DHX15: variants seen among roughly 807,000 people sequenced by gnomAD.
DHX15 encodes DEAH-box helicase 15, also known as ATP-dependent RNA helicase DHX15.
A neutral mutation model predicts 94.4 loss-of-function variants in DHX15; 11 were observed. The observed-to-expected ratio is 0.12, with a 90% CI of 0.07 to 0.19. The LOEUF (loss-of-function observed/expected upper bound fraction) is 0.19, where lower values mean the gene tolerates loss of function less well. Among genes scored for constraint, DHX15 ranks in the 10% least tolerant of loss-of-function variants. The probability of loss-of-function intolerance (pLI) is 1.00; values close to 1 mark genes in which losing one functional copy is unlikely to be tolerated. For synonymous variants in DHX15, 338 were observed against 329.9 expected, an observed-to-expected ratio of 1.02 and a Z score of -0.27; for missense variants, 304 against 988.5, an observed-to-expected ratio of 0.31 and a Z score of 9.29.
intron 10 of DHX15, chr4:24,539,590 T>C (rs542323258): frequency 6.6e-6 from 1 of 152,278 alleles, no homozygotes; most frequent in African/African-American, 2.4e-5. Flanking sequence ...TCAGATTAGA[T>C]TTTAAGCCTA....
intron 6 of DHX15, among the ~76,000 whole-genome samples, chr4:24,548,578 A>T (rs144758476): frequency 0.016 from 2,444 of 152,356 alleles, 32 homozygotes; most frequent in Admixed American, 0.028. Flanking sequence ...CTTTATAACA[A>T]GTGATTTAAT....
chr4:24,567,438 G>A (rs144985368), intron 3 of DHX15, among the ~76,000 whole-genome samples: 1,970 of 152,144 alleles, frequency 0.013, 27 homozygotes, highest in South Asian at 0.041. Flanking sequence ...TTAGCTGGGC[G>A]TGGTGGCGGG....
chr4:24,569,433 A>G (rs1722068035), intron 3 of DHX15, among the ~76,000 whole-genome samples: 1 of 151,984 alleles, frequency 6.6e-6, no homozygotes, highest in Non-Finnish European at 1.5e-5. Flanking sequence ...TCTACTAAAG[A>G]TACAAAAAGT....
At chr4:24,543,395 T>C (rs1425261134) in intron 6 of DHX15, among the ~76,000 whole-genome samples, 1 of 152,166 alleles carries the variant, frequency 6.6e-6, no homozygotes, top group Non-Finnish European at 1.5e-5. Flanking sequence ...TATTCAAATT[T>C]CCACAAGTGT....
At chr4:24,556,490 A>C in intron 3 of DHX15, 80 bp from the exon 4 acceptor site, 1 of 1,171,292 alleles carries the variant, frequency 8.5e-7, no homozygotes, top group Non-Finnish European at 1.2e-6. Flanking sequence ...ATGAAATGCA[A>C]AGACATAAGG....
intron 3 of DHX15, among the ~76,000 whole-genome samples, chr4:24,566,718 C>T (rs1722002005): frequency 6.6e-6 from 1 of 151,990 alleles, no homozygotes; most frequent in Non-Finnish European, 1.5e-5. Flanking sequence ...CTCAGCTACT[C>T]GGGAGGGTGA....
chr4:24,576,761 G>A, intron 1 of DHX15, 83 bp from the exon 2 acceptor site: 3 of 1,522,974 alleles, frequency 2.0e-6, no homozygotes, highest in South Asian at 1.3e-5. Context: ...GAGAGTAAAT[G>A]TCCAACGTTC....
chr4:24,538,293 T>C (rs1721234659), intron 10 of DHX15: 1 of 152,172 alleles, frequency 6.6e-6, no homozygotes, highest in Non-Finnish European at 1.5e-5. Flanking sequence ...ATCATATTAC[T>C]CTTTCCCATA....
At chr4:24,565,965 G>A (rs1721982757) in intron 3 of DHX15, among the ~76,000 whole-genome samples, 1 of 152,012 alleles carries the variant, frequency 6.6e-6, no homozygotes, top group South Asian at 2.1e-4. Flanking sequence ...CGTGGGCAGA[G>A]CTAGGACAAC....
intron 11 of DHX15, 54 bp from the exon 12 acceptor site, chr4:24,533,108 G>T: frequency 7.0e-7 from 1 of 1,424,072 alleles, no homozygotes; most frequent in Non-Finnish European, 9.9e-7. Context: ...ACCCACACAG[G>T]AATGTTCTCT....
At chr4:24,531,376 C>T (rs888426310) in intron 12 of DHX15, among the ~76,000 whole-genome samples, 4 of 152,104 alleles carry the variant, frequency 2.6e-5, no homozygotes, top group Admixed American at 6.5e-5. Flanking sequence ...GCGTGAGCCA[C>T]AGCGCCCGGC....
rs779461717 is a variant in DHX15, at chr4:24,529,670, A to G, written c.2201T>C (p.Val734Ala). The change falls in exon 13 of 14, where the codon GTG (valine) becomes GCG (alanine). Residue 734 changes from valine (V) to alanine (A), a missense_variant. Physicochemically the swap from Val to Ala is moderately conservative, Grantham distance 64 (BLOSUM62 0). Coordinates refer to ENST00000336812, the MANE Select transcript of DHX15 (RefSeq NM_001358.3). ...STVLDHKPEW[V>A]LYNEFVLTTK... ...TGTTAGAACAAACTCATTATAAAGC[A>G]CCCATTCAGGTTTGTGGTCAAGAAC... 6.2e-7 allele frequency: 1 copy of G among 1,614,156 alleles called. No individual in the cohort carries two copies. The highest frequency in any genetic ancestry group is 8.5e-7 in the Non-Finnish European group (1 of 1,180,020).
chr4:24,530,534 G>C (rs528814709), intron 12 of DHX15: 39 of 152,150 alleles, frequency 2.6e-4, no homozygotes, highest in African/African-American at 9.2e-4. Flanking sequence ...CTGAGATCAA[G>C]TCACTGCACT....
rs543859228 is a variant in DHX15, at chr4:24,566,603, A to T, written c.701+4051T>A. 3.9e-5 allele frequency among the ~76,000 whole-genome samples: 6 copies of T among 152,230 alleles called. No homozygotes were observed. The South Asian group carries it at 1.2e-3, about 32-fold the overall frequency. ...CACTTTGGGAGGCTGAGGTGGGTGG[A>T]TCACTTGACGTCAGGAGTTTGAGAC... On this transcript the variant is annotated intron_variant, in intron 3 of 13. Coordinates refer to ENST00000336812, the MANE Select transcript of DHX15 (RefSeq NM_001358.3).
chr4:24,529,992 T>G, intron 12 of DHX15: 1 of 563,456 alleles, frequency 1.8e-6, no homozygotes. Context: ...CAAAATGGTT[T>G]ATTTATCTTT....
chr4:24,533,563 CAGAAGAAA>C, intron 11 of DHX15: 3 of 157,318 alleles, frequency 1.9e-5, no homozygotes, highest in Admixed American at 6.2e-5. Context: ...AGTCCTGAAA[CAGAAGAAA>C]GTTTACAAGG....
In DHX15 at chr4:24,556,298, G is replaced by A. The variant is rs774825822; in HGVS notation, c.814C>T (p.Leu272=). Residue 272 remains leucine, a synonymous_variant, in exon 4 of 14, where the codon CTA becomes TTA. Transcript: ENST00000336812. ...AHERTLATDI[L]MGVLKEVVRQ... ...ACAACTTCCTTCAGAACACCCATTA[G>A]AATATCTGTAGCCAGTGTCCTCTCA... is the stretch of plus-strand genomic sequence containing the variant. 1.4e-5 allele frequency: 22 copies of A among 1,613,714 alleles called. No homozygotes were observed. The highest frequency in any genetic ancestry group is 1.7e-4 in the Middle Eastern group (1 of 6,058).
At chr4:24,565,578 T>A (rs182205958) in intron 3 of DHX15, among the ~76,000 whole-genome samples, 1 of 152,358 alleles carries the variant, frequency 6.6e-6, no homozygotes, top group East Asian at 1.9e-4. Flanking sequence ...CCTAAAAGAA[T>A]ACTTGAATTG....
chr4:24,576,640 G>C lies in DHX15; in HGVS notation c.110C>G (p.Ser37Cys). The change falls in exon 2 of 14, where the codon TCT becomes TGT. Residue 37 changes from serine to cysteine, a missense_variant. Coordinates refer to ENST00000336812, the MANE Select transcript of DHX15 (RefSeq NM_001358.3). ...RDRDRDREDR[S>C]KDRDRERDRG... ...ATCACGTTCTCGGTCTCGATCTTTA[G>C]ACCGATCTTCACGATCCCGGTCTCG... is the stretch of plus-strand genomic sequence containing the variant. The C allele has an allele frequency of 6.2e-7, 1 of 1,613,612 alleles. No individual in the cohort carries two copies.
Sources: gnomAD v4.1 joint callset for allele counts (sites outside exome capture counted in the v4.1 genomes callset) on GRCh38, gnomAD v4.1.1 for gene constraint, MANE v1.5 for transcripts, NCBI Gene and HGNC (gene_info 2026-07-23, HGNC 2026-07-21) for gene names.